Variants in PTPRD observed in about 807,000 individuals in gnomAD.
The protein encoded by PTPRD is receptor-type tyrosine-protein phosphatase delta.
A neutral mutation model predicts 214.5 loss-of-function variants in PTPRD; 34 were observed. The ratio of observed to expected loss-of-function variants is 0.16; its 90% confidence interval spans 0.12 to 0.21. PTPRD has a LOEUF of 0.21. PTPRD is among the 10% of genes least tolerant of loss of function. The pLI, the probability that PTPRD is intolerant of heterozygous loss-of-function variation, is 1.00. For synonymous variants in PTPRD, 1,128 were observed against 845.7 expected, an observed-to-expected ratio of 1.33 and a Z score of -5.79; for missense variants, 2,545 against 2,398.7, an observed-to-expected ratio of 1.06 and a Z score of -1.27.
At chr9:8,906,873 G>GACTGC (rs1455739054) in intron 11 of PTPRD, among the ~76,000 whole-genome samples, 1 of 152,016 alleles carries the variant, frequency 6.6e-6, no homozygotes, top group Admixed American at 6.6e-5. Flanking sequence ...ATCCCCGGCT[G>GACTGC]ACTGCAAGCT....
intron 8 of PTPRD, among the ~76,000 whole-genome samples, chr9:9,438,329 A>G (rs1007626004): frequency 5.3e-5 from 8 of 152,186 alleles, no homozygotes; most frequent in African/African-American, 1.9e-4. Context: ...TCCAAGAATC[A>G]TGTTAGGGAT....
intron 37 of PTPRD, among the ~76,000 whole-genome samples, chr9:8,387,566 G>A (rs182977858): frequency 5.9e-5 from 9 of 152,286 alleles, no homozygotes; most frequent in Middle Eastern, 6.8e-3. Flanking sequence ...GGATTTACAT[G>A]CATGCCGTAA....
At chr9:10,432,133 G>A (rs2098686126) in intron 2 of PTPRD, among the ~76,000 whole-genome samples, 1 of 151,844 alleles carries the variant, frequency 6.6e-6, no homozygotes, top group Non-Finnish European at 1.5e-5. Context: ...CATGTCCTTT[G>A]TAGGGACATG....
chr9:8,746,916 G>T (rs147906627), intron 11 of PTPRD, among the ~76,000 whole-genome samples: 4 of 152,324 alleles, frequency 2.6e-5, no homozygotes, highest in African/African-American at 9.6e-5. Context: ...AAGTAGAGGA[G>T]TAGTCATTCT....
At chr9:9,025,947 C>G (rs1014042002) in intron 10 of PTPRD, among the ~76,000 whole-genome samples, 1 of 151,744 alleles carries the variant, frequency 6.6e-6, no homozygotes, top group Non-Finnish European at 1.5e-5. Flanking sequence ...ATAGTCCGCT[C>G]AGATAAACAT....
intron 4 of PTPRD, among the ~76,000 whole-genome samples, chr9:9,996,051 T>C (rs2096111382): frequency 6.6e-6 from 1 of 152,164 alleles, no homozygotes; most frequent in Non-Finnish European, 1.5e-5. Flanking sequence ...TCGAGTCTCA[T>C]TTTTTCCAGA....
At chr9:10,509,509 C>A (rs2047237819) in intron 2 of PTPRD, among the ~76,000 whole-genome samples, 1 of 137,932 alleles carries the variant, frequency 7.2e-6, no homozygotes, top group African/African-American at 2.7e-5. Context: ...ATCTAATGAT[C>A]ATTATAGCTG....
At chr9:10,219,379 G>C (rs1250433513) in intron 3 of PTPRD, among the ~76,000 whole-genome samples, 1 of 151,834 alleles carries the variant, frequency 6.6e-6, no homozygotes, top group Non-Finnish European at 1.5e-5. Flanking sequence ...CCTTGGGAAT[G>C]AGTCTGTCAA....
chr9:9,881,880 A>G (rs12001821), intron 5 of PTPRD, among the ~76,000 whole-genome samples: 7,031 of 152,154 alleles, frequency 0.046, 491 homozygotes, highest in African/African-American at 0.16. Flanking sequence ...CCACAAGAAC[A>G]TGCCTGGGCT....
intron 2 of PTPRD, among the ~76,000 whole-genome samples, chr9:10,363,480 A>C (rs1306493067): frequency 2.6e-5 from 4 of 152,206 alleles, no homozygotes; most frequent in Non-Finnish European, 5.9e-5. Context: ...TGCTACTGGA[A>C]TTGTCACATG....
intron 11 of PTPRD, among the ~76,000 whole-genome samples, chr9:8,817,476 A>C (rs2096943842): frequency 6.6e-6 from 1 of 152,072 alleles, no homozygotes; most frequent in Admixed American, 6.5e-5. Context: ...TTCTTTTTTT[A>C]ATTAGCTGGG....
intron 5 of PTPRD, among the ~76,000 whole-genome samples, chr9:9,780,800 T>A (rs148243093): frequency 6.2e-4 from 94 of 152,326 alleles, no homozygotes; most frequent in African/African-American, 2.2e-3. Context: ...ATGAAAACAG[T>A]AGTTTATAAA....
At chr9:9,765,342 A>G (rs920555207) in intron 6 of PTPRD, among the ~76,000 whole-genome samples, 1 of 152,178 alleles carries the variant, frequency 6.6e-6, no homozygotes. Context: ...TTCCCCAAGC[A>G]TTACGTTTGC....
intron 3 of PTPRD, among the ~76,000 whole-genome samples, chr9:10,067,361 C>T (rs1366258790): frequency 6.6e-6 from 1 of 151,748 alleles, no homozygotes; most frequent in Non-Finnish European, 1.5e-5. Context: ...CTTACAGATT[C>T]TAAGAAATGT....
chr9:9,230,377 C>G (rs1205591112), intron 9 of PTPRD, among the ~76,000 whole-genome samples: 1 of 152,006 alleles, frequency 6.6e-6, no homozygotes, highest in Non-Finnish European at 1.5e-5. Context: ...TAGGATATGC[C>G]CCATTCATCT....
intron 3 of PTPRD, among the ~76,000 whole-genome samples, chr9:10,171,759 G>T (rs947008113): frequency 1.3e-5 from 2 of 152,108 alleles, no homozygotes; most frequent in Non-Finnish European, 2.9e-5. Flanking sequence ...TCCTGACCTT[G>T]TGATCCACCC....
At chr9:8,411,075 C>G (rs1194518611) in intron 35 of PTPRD, among the ~76,000 whole-genome samples, 5 of 151,864 alleles carry the variant, frequency 3.3e-5, no homozygotes, top group African/African-American at 1.2e-4. Context: ...AAAACAACAA[C>G]AAAACCAAAA....
intron 9 of PTPRD, among the ~76,000 whole-genome samples, chr9:9,315,479 T>C (rs1962250068): frequency 6.6e-6 from 1 of 152,008 alleles, no homozygotes. Flanking sequence ...CCCATCCAAT[T>C]CCAAAGTCTA....
At chr9:9,689,008 T>C (rs936294322) in intron 7 of PTPRD, among the ~76,000 whole-genome samples, 2 of 151,770 alleles carry the variant, frequency 1.3e-5, no homozygotes, top group Non-Finnish European at 2.9e-5. Flanking sequence ...AACAACAAAA[T>C]TGCAATTAAT....
Sources: gnomAD v4.1 joint callset for allele counts (sites outside exome capture counted in the v4.1 genomes callset) on GRCh38, gnomAD v4.1.1 for gene constraint, MANE v1.5 for transcripts, NCBI Gene and HGNC (gene_info 2026-07-23, HGNC 2026-07-21) for gene names.